Variants in CSMD1 observed in about 807,000 individuals in gnomAD.
The protein encoded by CSMD1 is CUB and sushi domain-containing protein 1.
A neutral mutation model predicts 417.5 loss-of-function variants in CSMD1; 213 were observed. That is an observed-to-expected ratio of 0.51 (90% CI 0.46 to 0.57). The LOEUF is 0.57. Among genes scored for constraint, CSMD1 ranks in the 20% least tolerant of loss-of-function variants. The pLI is 0.00. For missense variants in CSMD1, 6,923 were observed against 4,529.7 expected (o/e 1.53, Z -15.17); for synonymous variants, 2,862 against 1,736.8 (o/e 1.65, Z -16.11).
chr8:3,720,403 G>A (rs7819288), intron 6 of CSMD1, among the ~76,000 whole-genome samples: 76,567 of 152,000 alleles, frequency 0.5, 19,277 homozygotes, highest in South Asian at 0.64. Flanking sequence ...AAGCTGTCCA[G>A]GCACAACAAC....
chr8:4,076,582 G>A (rs529990665), intron 3 of CSMD1, among the ~76,000 whole-genome samples: 2 of 152,196 alleles, frequency 1.3e-5, no homozygotes, highest in African/African-American at 4.8e-5. Context: ...AATATATTAA[G>A]GATTCATGTC....
intron 12 of CSMD1, among the ~76,000 whole-genome samples, chr8:3,458,920 G>C (rs1024656805): frequency 6.6e-6 from 1 of 152,160 alleles, no homozygotes; most frequent in Non-Finnish European, 1.5e-5. Flanking sequence ...GTAGCCACAG[G>C]GAAACATTGG....
chr8:3,729,885 C>T (rs1442405872), intron 6 of CSMD1, among the ~76,000 whole-genome samples: 3 of 132,354 alleles, frequency 2.3e-5, no homozygotes, highest in Admixed American at 1.7e-4. Context: ...ACACTGTACT[C>T]CCCAAATCTA....
intron 10 of CSMD1, among the ~76,000 whole-genome samples, chr8:3,497,208 T>A (rs938814270): frequency 6.6e-6 from 1 of 152,174 alleles, no homozygotes; most frequent in African/African-American, 2.4e-5. Flanking sequence ...ATTAATTTTC[T>A]GTCTAGATAA....
intron 11 of CSMD1, among the ~76,000 whole-genome samples, chr8:3,473,649 A>G (rs1220926071): frequency 6.6e-6 from 1 of 152,206 alleles, no homozygotes; most frequent in Non-Finnish European, 1.5e-5. Context: ...ACTGGCTTTG[A>G]TTAAATACAG....
At chr8:3,320,237 G>A (rs1806063912) in intron 23 of CSMD1, among the ~76,000 whole-genome samples, 1 of 152,178 alleles carries the variant, frequency 6.6e-6, no homozygotes, top group South Asian at 2.1e-4. Context: ...AGTTTGGAGA[G>A]GGACGGAGGA....
chr8:3,137,983 G>A (rs913524093), intron 41 of CSMD1, among the ~76,000 whole-genome samples: 1 of 152,220 alleles, frequency 6.6e-6, no homozygotes, highest in Admixed American at 6.5e-5. Context: ...CCAGCACTTT[G>A]GGAGGATGAG....
intron 1 of CSMD1, among the ~76,000 whole-genome samples, chr8:4,739,485 A>G (rs962471454): frequency 1.3e-5 from 2 of 152,228 alleles, no homozygotes; most frequent in Admixed American, 1.3e-4. Context: ...TTGTAATGAT[A>G]GATGAAGTAA....
At chr8:4,358,961 C>T (rs1474115460) in intron 3 of CSMD1, among the ~76,000 whole-genome samples, 3 of 94,394 alleles carry the variant, frequency 3.2e-5, no homozygotes, top group Non-Finnish European at 6.0e-5. Context: ...CTTCCAGAGT[C>T]TTGTGCACAC....
At chr8:4,125,610 G>A (rs954630906) in intron 3 of CSMD1, among the ~76,000 whole-genome samples, 19 of 152,258 alleles carry the variant, frequency 1.2e-4, no homozygotes, top group African/African-American at 4.6e-4. Context: ...TTATAACTGA[G>A]GAAATTATGT....
intron 3 of CSMD1, among the ~76,000 whole-genome samples, chr8:4,116,077 C>G (rs1802128173): frequency 5.9e-5 from 9 of 151,916 alleles, no homozygotes; most frequent in Admixed American, 5.9e-4. Context: ...TGGCTCACTG[C>G]AACCTCCGCC....
intron 3 of CSMD1, among the ~76,000 whole-genome samples, chr8:4,146,187 T>A (rs963686198): frequency 4.0e-5 from 6 of 150,758 alleles, no homozygotes; most frequent in Non-Finnish European, 8.8e-5. Context: ...GCCAAGTCGA[T>A]TCTCAAAAAA....
At chr8:4,340,996 A>C (rs1800446642) in intron 3 of CSMD1, among the ~76,000 whole-genome samples, 3 of 152,060 alleles carry the variant, frequency 2.0e-5, no homozygotes, top group Admixed American at 1.3e-4. Context: ...AAATTATCAC[A>C]GTCATCCTAT....
chr8:4,953,208 T>C (rs1808866933), intron 1 of CSMD1, among the ~76,000 whole-genome samples: 1 of 152,218 alleles, frequency 6.6e-6, no homozygotes, highest in South Asian at 2.1e-4. Context: ...GAAAATCTTT[T>C]ATTTCCTAAT....
At chr8:4,930,966 T>A (rs1157369079) in intron 1 of CSMD1, among the ~76,000 whole-genome samples, 1 of 152,166 alleles carries the variant, frequency 6.6e-6, no homozygotes, top group Non-Finnish European at 1.5e-5. Context: ...TTATGGAACT[T>A]TGATTTAAAA....
intron 18 of CSMD1, among the ~76,000 whole-genome samples, chr8:3,372,280 G>C (rs1029718398): frequency 6.6e-6 from 1 of 152,192 alleles, no homozygotes; most frequent in Non-Finnish European, 1.5e-5. Context: ...CTACAGTGGA[G>C]CTGCAGGGAC....
chr8:4,515,351 G>C (rs993371832), intron 2 of CSMD1, among the ~76,000 whole-genome samples: 3 of 152,124 alleles, frequency 2.0e-5, no homozygotes, highest in Non-Finnish European at 4.4e-5. Flanking sequence ...TCGCTTGATA[G>C]GTGCCATGAC....
At chr8:3,435,443 C>G (rs370291212) in intron 12 of CSMD1, among the ~76,000 whole-genome samples, 2 of 152,102 alleles carry the variant, frequency 1.3e-5, no homozygotes, top group Admixed American at 1.3e-4. Flanking sequence ...CTATTGAACA[C>G]ATCCCACTCT....
chr8:3,858,889 G>C (rs1488162942), intron 5 of CSMD1, among the ~76,000 whole-genome samples: 1 of 152,118 alleles, frequency 6.6e-6, no homozygotes, highest in East Asian at 1.9e-4. Flanking sequence ...TCGTGACAAT[G>C]TAAATCTATA....
Sources: allele counts gnomAD v4.1 joint callset (sites outside exome capture counted in the v4.1 genomes callset), GRCh38; gene constraint gnomAD v4.1.1; transcripts MANE v1.5; gene names NCBI Gene and HGNC (gene_info 2026-07-23, HGNC 2026-07-21).